PPP3CA: variants seen among roughly 807,000 people sequenced by gnomAD.
PPP3CA encodes protein phosphatase 3 catalytic subunit alpha, also known as CAM-PRP catalytic subunit.
PPP3CA carries 14 observed loss-of-function variants against 66.5 expected under a neutral mutation model. The ratio of observed to expected loss-of-function variants is 0.21; its 90% CI spans 0.14 to 0.33. The LOEUF is 0.33. Among genes scored for constraint, PPP3CA ranks in the 10% least tolerant of loss-of-function variants. The probability of loss-of-function intolerance (pLI) is 1.00; values close to 1 mark genes in which losing one functional copy is unlikely to be tolerated. For synonymous variants in PPP3CA, 232 were observed against 226.2 expected, an observed-to-expected ratio of 1.03 and a Z score of -0.23; for missense variants, 317 against 639.5, an observed-to-expected ratio of 0.50 and a Z score of 5.44.
intron 10 of PPP3CA, among the ~76,000 whole-genome samples, chr4:101,057,665 A>G (rs550933049): frequency 1.3e-5 from 2 of 152,300 alleles, no homozygotes; most frequent in Non-Finnish European, 2.9e-5. Flanking sequence ...CCTGTTTAGA[A>G]AGGAGAAAAC....
At chr4:101,055,155 A>G (rs1728172879) in intron 10 of PPP3CA, among the ~76,000 whole-genome samples, 1 of 152,094 alleles carries the variant, frequency 6.6e-6, no homozygotes, top group Non-Finnish European at 1.5e-5. Context: ...CTAACTTACA[A>G]AACTATCACT....
rs550381306 is a variant in PPP3CA, at chr4:101,067,685, G to A, written c.956-4328C>T. 4.6e-4 allele frequency among the ~76,000 whole-genome samples: 64 copies of A among 139,532 alleles called. 1 individual carries two copies. The South Asian group carries it at 0.015, about 32-fold the overall frequency. 91.5% of individuals were successfully genotyped at this position (139,532 alleles called of 152,430 possible). On this transcript the variant is annotated intron_variant, in intron 8 of 13. Transcript: ENST00000394854. The stretch of plus-strand genomic sequence containing the variant: ...CTGTTGTGGGGTGGGGGGACGGGGA[G>A]GGATAGCATTAGGTGATATACCTAA...
At chr4:101,216,544 T>A (rs1725462576) in intron 1 of PPP3CA, among the ~76,000 whole-genome samples, 1 of 152,092 alleles carries the variant, frequency 6.6e-6, no homozygotes, top group African/African-American at 2.4e-5. Flanking sequence ...CCTTTATTTT[T>A]TTTTCTTTTC....
At chr4:101,283,834 GC>G (rs149315425) in intron 1 of PPP3CA, among the ~76,000 whole-genome samples, 8,270 of 152,218 alleles carry the variant, frequency 0.054, 733 homozygotes, top group African/African-American at 0.19. Flanking sequence ...CACCACTACT[GC>G]TTCCAAAGCA....
At chr4:101,343,979 T>C (rs567774463) in intron 1 of PPP3CA, among the ~76,000 whole-genome samples, 1 of 152,202 alleles carries the variant, frequency 6.6e-6, no homozygotes, top group South Asian at 2.1e-4. Context: ...CATGCCATGG[T>C]AATAACAATC....
chr4:101,262,915 G>A (rs1386670541), intron 1 of PPP3CA, among the ~76,000 whole-genome samples: 1 of 152,014 alleles, frequency 6.6e-6, no homozygotes, highest in Non-Finnish European at 1.5e-5. Flanking sequence ...TCAGGGGAAG[G>A]GACAGAAAAA....
chr4:101,033,396 A>C (rs1350870408), intron 11 of PPP3CA, among the ~76,000 whole-genome samples: 1 of 151,966 alleles, frequency 6.6e-6, no homozygotes, highest in Non-Finnish European at 1.5e-5. Flanking sequence ...ACGTGACTCA[A>C]ACAGAATTCC....
At chr4:101,205,550 T>C (rs1006169080) in intron 1 of PPP3CA, among the ~76,000 whole-genome samples, 1 of 147,768 alleles carries the variant, frequency 6.8e-6, no homozygotes, top group South Asian at 2.1e-4. Flanking sequence ...TCCTCAATCC[T>C]AAACTGGTAA....
At position 101,108,945 on chromosome 4, in the gene PPP3CA, T is replaced by C. The variant is rs546387364; in HGVS notation, c.384+9A>G. On this transcript the variant is annotated intron_variant, in intron 3 of 13. Transcript: ENST00000394854. ...ACTGAACAGCAAAGAAGACATGATG[T>C]AGACTTACTTCAATACTGAAGTACC... 61 of 1,612,798 alleles carry C rather than the reference T, an allele frequency of 3.8e-5. No homozygotes were observed. Among genetic ancestry groups the C allele is most frequent in the Admixed American group, 1.5e-4 (9 of 59,922 alleles).
intron 1 of PPP3CA, among the ~76,000 whole-genome samples, chr4:101,322,415 T>C (rs1019135733): frequency 1.3e-5 from 2 of 151,200 alleles, no homozygotes; most frequent in African/African-American, 4.9e-5. Context: ...CATCTTTTTT[T>C]TTTTTTTTTT....
chr4:101,059,061 T>C (rs546744201), intron 10 of PPP3CA, among the ~76,000 whole-genome samples: 2 of 152,230 alleles, frequency 1.3e-5, no homozygotes, highest in East Asian at 3.9e-4. Context: ...AAAAGGAATA[T>C]AGTGAAAGGT....
rs756441434 is a variant in PPP3CA at position 101,063,377 on chromosome 4, G to A, written c.956-20C>T. ...CTGCAGCTAAAAATAACCAAAAGAG[G>A]ATGTTAGGAACACAGAACATATTTC... On this transcript the variant is annotated intron_variant, in intron 8 of 13. Coordinates refer to ENST00000394854, the MANE Select transcript of PPP3CA (RefSeq NM_000944.5). 2.5e-6 allele frequency: 4 copies of A among 1,598,790 alleles called. No homozygotes were observed. The highest frequency in any genetic ancestry group is 3.4e-6 in the Non-Finnish European group (4 of 1,172,314).
intron 1 of PPP3CA, among the ~76,000 whole-genome samples, chr4:101,320,474 A>ATGTATGTG (rs1480096108): frequency 1.5e-4 from 20 of 129,876 alleles, no homozygotes; most frequent in African/African-American, 6.5e-4. Flanking sequence ...GTATGTATGT[A>ATGTATGTG]TGTGTGTGTG....
rs746919233 is a variant in PPP3CA, at chr4:101,204,568, G to A, written c.59-8452C>T. ...GGAGAATGGCGCAAACCTGGGAAGC[G>A]GAGCATGTAGTGAGCCCAGATGGCA... On this transcript the variant is annotated intron_variant, in intron 1 of 13. Transcript: ENST00000394854. Among the ~76,000 whole-genome samples, 31 of 149,706 alleles carry A rather than the reference G, an allele frequency of 2.1e-4. No individual in the cohort carries two copies. The East Asian group carries it at 4.8e-3, about 23-fold the overall frequency.
intron 1 of PPP3CA, among the ~76,000 whole-genome samples, chr4:101,275,323 C>T (rs1462592941): frequency 6.6e-6 from 1 of 152,214 alleles, no homozygotes; most frequent in African/African-American, 2.4e-5. Flanking sequence ...ATCCTCAGGG[C>T]TGCAGGTAAG....
In PPP3CA at chr4:101,206,267, G is replaced by T. The variant is rs1483336940; in HGVS notation, c.59-10151C>A. 2.6e-5 allele frequency among the ~76,000 whole-genome samples: 4 copies of T among 152,098 alleles called. No homozygotes were observed. The South Asian group carries it at 6.2e-4, about 24-fold the overall frequency. On this transcript the variant is annotated intron_variant, in intron 1 of 13. Transcript: ENST00000394854. The stretch of plus-strand genomic sequence containing the variant: ...TCTTCACACATCTATTTAAAAATTG[G>T]AATGTCTTAATGACTACCACCTACA...
At chr4:101,224,019 CTAAAT>C (rs1725706190) in intron 1 of PPP3CA, among the ~76,000 whole-genome samples, 1 of 151,656 alleles carries the variant, frequency 6.6e-6, no homozygotes, top group African/African-American at 2.4e-5. Context: ...CACTAATACT[CTAAAT>C]TAAACTAAAA....
chr4:101,048,767 T>C (rs1309841225), intron 10 of PPP3CA, among the ~76,000 whole-genome samples: 1 of 152,078 alleles, frequency 6.6e-6, no homozygotes, highest in African/African-American at 2.4e-5. Context: ...ATATTCTGAA[T>C]TTCTTCCATA....
chr4:101,120,060 A>T (rs1325994118), intron 2 of PPP3CA, among the ~76,000 whole-genome samples: 1 of 152,098 alleles, frequency 6.6e-6, no homozygotes, highest in Non-Finnish European at 1.5e-5. Context: ...GTTAAGAAAA[A>T]GTGTTATCTG....
Sources: allele counts gnomAD v4.1 joint callset (sites outside exome capture counted in the v4.1 genomes callset), GRCh38; gene constraint gnomAD v4.1.1; transcripts MANE v1.5; gene names NCBI Gene and HGNC (gene_info 2026-07-23, HGNC 2026-07-21).